The following SLMAP variants were observed in gnomAD, a reference collection of about 807,000 sequenced individuals.
The protein encoded by SLMAP is sarcolemmal membrane-associated protein.
In SLMAP, 44 loss-of-function variants were observed where a neutral mutation model predicts 128.8. The observed-to-expected ratio is 0.34, with a 90% CI of 0.27 to 0.44. The LOEUF (loss-of-function observed/expected upper bound fraction) is 0.44, where lower values mean the gene tolerates loss of function less well. SLMAP is among the 20% of genes least tolerant of loss of function. The pLI, the probability that SLMAP is intolerant of heterozygous loss-of-function variation, is 1.00. For missense variants in SLMAP, 787 were observed against 985.3 expected (o/e 0.80, Z 2.69); for synonymous variants, 327 against 348.8 (o/e 0.94, Z 0.70).
At chr3:57,896,684 T>C in intron 16 of SLMAP, 93 bp downstream of exon 16, 1 of 1,248,124 alleles carries the variant, frequency 8.0e-7, no homozygotes, top group African/African-American at 1.5e-5. Context: ...AGTATGTGTT[T>C]GGGGAAAAAA....
chr3:57,868,882 A>T (rs1471267712), intron 13 of SLMAP, among the ~76,000 whole-genome samples: 4 of 138,684 alleles, frequency 2.9e-5, no homozygotes, highest in Non-Finnish European at 4.6e-5. Flanking sequence ...TATTATATAT[A>T]ATATATATTA....
chr3:57,879,431 A>T (rs2153631102), intron 14 of SLMAP, among the ~76,000 whole-genome samples: 1 of 152,332 alleles, frequency 6.6e-6, no homozygotes, highest in East Asian at 1.9e-4. Context: ...GAGTGTTCAT[A>T]GCAGCATTAT....
chr3:57,890,480 T>G (rs1442938199), intron 15 of SLMAP: 1 of 165,836 alleles, frequency 6.0e-6, no homozygotes, highest in Non-Finnish European at 1.3e-5. Context: ...ATGCTTGCAC[T>G]TCTATTTTGG....
rs544182860 is a variant in SLMAP at position 57,858,998 on chromosome 3, C to T, written c.687+839C>T. Among the ~76,000 whole-genome samples, 257 of 152,138 alleles carry T rather than the reference C, an allele frequency of 1.7e-3. 1 individual carries two copies. The highest frequency in any genetic ancestry group is 5.2e-3 in the African/African-American group (214 of 41,510). ...AAAATAATGATGTAATTCTGTTATT[C>T]CTTCACTTATTTAGCTGGGTTACTT... On this transcript the variant is annotated intron_variant, in intron 8 of 24. Coordinates refer to ENST00000671191, the MANE Select transcript of SLMAP (RefSeq NM_001377540.1).
intron 13 of SLMAP, among the ~76,000 whole-genome samples, chr3:57,865,522 AATT>A (rs2095274470): frequency 6.6e-6 from 1 of 152,092 alleles, no homozygotes; most frequent in African/African-American, 2.4e-5. Context: ...CAAATCAGAA[AATT>A]ATTAAGTTCA....
chr3:57,785,534 T>C (rs574298977), intron 2 of SLMAP, among the ~76,000 whole-genome samples: 1 of 152,316 alleles, frequency 6.6e-6, no homozygotes, highest in East Asian at 1.9e-4. Flanking sequence ...TATATGAATT[T>C]TGTAATGTTT....
intron 14 of SLMAP, among the ~76,000 whole-genome samples, chr3:57,886,705 A>G (rs2153643119): frequency 6.6e-6 from 1 of 152,082 alleles, no homozygotes; most frequent in Admixed American, 6.5e-5. Flanking sequence ...ATAATTTACC[A>G]ATTAAGTAGA....
Position 57,912,365 on chromosome 3 carries a change from G to A in SLMAP, c.1700-16G>A. On this transcript the variant is annotated splice_polypyrimidine_tract_variant and intron_variant, in intron 19 of 24. Coordinates refer to ENST00000671191, the MANE Select transcript of SLMAP (RefSeq NM_001377540.1). ...TATTCTAATGGGCCAAGAAAATGATGGATATACTTTTGCAGCCCAATTGCA... is the reference window on the plus strand; with the variant it reads ...TATTCTAATGGGCCAAGAAAATGATAGATATACTTTTGCAGCCCAATTGCA... 1.3e-6 allele frequency: 2 copies of A among 1,596,954 alleles called. No individual in the cohort carries two copies. Among genetic ancestry groups the A allele is most frequent in the Non-Finnish European group, 1.7e-6 (2 of 1,165,296 alleles).
At chr3:57,830,353 CT>C (rs1218174752) in intron 2 of SLMAP, among the ~76,000 whole-genome samples, 2 of 152,200 alleles carry the variant, frequency 1.3e-5, no homozygotes, top group African/African-American at 4.8e-5. Context: ...AAATGAGGGC[CT>C]GATGGCAAAA....
In SLMAP at chr3:57,831,422, A is replaced by G. The variant is rs901486021; in HGVS notation, c.238A>G (p.Ile80Val). ...QDTKSSNGTF[I>V]NSQRLSRGSE... ...CACTAAAAGTAGTAATGGTACTTTT[A>G]TAAATAGCCAGAGATTGAGTCGAGG... is the stretch of plus-strand genomic sequence containing the variant. Residue 80 changes from isoleucine (I) to valine (V), a missense_variant, in exon 3 of 25, where the codon ATA becomes GTA. Transcript: ENST00000671191. 1 of 1,579,660 alleles carries G rather than the reference A, an allele frequency of 6.3e-7. No homozygotes were observed. The highest frequency in any genetic ancestry group is 1.8e-5 in the Admixed American group (1 of 54,598).
chr3:57,765,313 G>A (rs574091243), intron 2 of SLMAP, among the ~76,000 whole-genome samples: 2 of 152,112 alleles, frequency 1.3e-5, no homozygotes, highest in Non-Finnish European at 2.9e-5. Flanking sequence ...GAAACAGGAG[G>A]ATCACTTAGG....
intron 14 of SLMAP, among the ~76,000 whole-genome samples, chr3:57,886,824 C>T (rs2095902621): frequency 6.6e-6 from 1 of 151,614 alleles, no homozygotes; most frequent in Non-Finnish European, 1.5e-5. Context: ...CTAAGCCAGA[C>T]ACAGAATGTC....
At chr3:57,849,360 T>TG (rs1427488047) in intron 5 of SLMAP, among the ~76,000 whole-genome samples, 1 of 152,214 alleles carries the variant, frequency 6.6e-6, no homozygotes, top group East Asian at 1.9e-4. Context: ...AACCTACCTA[T>TG]GGATTTCAAG....
chr3:57,860,669 G>T, intron 8 of SLMAP, 30 bp from the exon 9 acceptor site: 4 of 1,457,020 alleles, frequency 2.7e-6, no homozygotes, highest in Non-Finnish European at 3.7e-6. Context: ...AAAATAACTT[G>T]TCTATAATTA....
At chr3:57,925,028 C>T (rs2096980547) in intron 23 of SLMAP, among the ~76,000 whole-genome samples, 1 of 150,724 alleles carries the variant, frequency 6.6e-6, no homozygotes, top group Non-Finnish European at 1.5e-5. Flanking sequence ...GATCTCACCT[C>T]ACTTCAGCCT....
At chr3:57,858,348 AGTCT>A (rs1423213853) in intron 8 of SLMAP, among the ~76,000 whole-genome samples, 189 bp downstream of exon 8, 1 of 152,210 alleles carries the variant, frequency 6.6e-6, no homozygotes, top group Non-Finnish European at 1.5e-5. Flanking sequence ...CCCATGTACA[AGTCT>A]GTCTTTTTTC....
At chr3:57,772,718 G>T (rs2081122014) in intron 2 of SLMAP, among the ~76,000 whole-genome samples, 1 of 151,726 alleles carries the variant, frequency 6.6e-6, no homozygotes, top group Non-Finnish European at 1.5e-5. Context: ...TCGGCTCACC[G>T]CAACCTTTGC....
At chr3:57,817,651 C>T (rs556718676) in intron 2 of SLMAP, among the ~76,000 whole-genome samples, 25 of 152,236 alleles carry the variant, frequency 1.6e-4, no homozygotes, top group Middle Eastern at 3.4e-3. Flanking sequence ...TCTGTTGGCT[C>T]ATGTGGGATG....
intron 15 of SLMAP, 139 bp from the exon 16 acceptor site, chr3:57,896,372 G>A: frequency 1.0e-5 from 14 of 1,392,930 alleles, no homozygotes; most frequent in Non-Finnish European, 1.3e-5. Flanking sequence ...TGGTGAAGAA[G>A]TAAGAGATTC....
Sources: gnomAD v4.1 joint callset for allele counts (sites outside exome capture counted in the v4.1 genomes callset) on GRCh38, gnomAD v4.1.1 for gene constraint, MANE v1.5 for transcripts, NCBI Gene and HGNC (gene_info 2026-07-23, HGNC 2026-07-21) for gene names.